TMEM132D: variants seen among roughly 807,000 people sequenced by gnomAD.
TMEM132D encodes the protein transmembrane protein 132D.
A neutral mutation model predicts 62.3 loss-of-function variants in TMEM132D; 21 were observed. That is an observed-to-expected ratio of 0.34 (90% CI 0.24 to 0.49). The LOEUF is 0.49. TMEM132D is among the 20% of genes least tolerant of loss of function. The pLI, the probability that TMEM132D is intolerant of heterozygous loss-of-function variation, is 0.99. For missense variants in TMEM132D, 1,346 were observed against 1,402.8 expected (o/e 0.96, Z 0.65); for synonymous variants, 621 against 575.6 (o/e 1.08, Z -1.13).
In TMEM132D at chr12:129,106,434, T is replaced by C. The variant is rs1232880067; in HGVS notation, c.1444-21732A>G. 2.0e-5 allele frequency among the ~76,000 whole-genome samples: 3 copies of C among 151,190 alleles called. No homozygotes were observed. The East Asian group carries it at 5.8e-4, about 29-fold the overall frequency. ...AGTATAATAATAATAAAATAAAAAA[T>C]AAAAATAAAAATAAATGCAATCCCT... On this transcript the variant is annotated intron_variant, in intron 5 of 8. Coordinates refer to ENST00000422113, the MANE Select transcript of TMEM132D (RefSeq NM_133448.3).
intron 3 of TMEM132D, among the ~76,000 whole-genome samples, chr12:129,526,531 C>T (rs1876045903): frequency 6.6e-6 from 1 of 152,204 alleles, no homozygotes; most frequent in South Asian, 2.1e-4. Flanking sequence ...CATCCACCCA[C>T]CTCAGCCTCC....
intron 3 of TMEM132D, among the ~76,000 whole-genome samples, chr12:129,519,489 G>T (rs1159473860): frequency 6.6e-6 from 1 of 152,100 alleles, no homozygotes; most frequent in Non-Finnish European, 1.5e-5. Flanking sequence ...CAATATAGCT[G>T]CATTCCTCAG....
At chr12:129,747,395 C>T (rs1869831057) in intron 1 of TMEM132D, among the ~76,000 whole-genome samples, 1 of 151,958 alleles carries the variant, frequency 6.6e-6, no homozygotes. Context: ...GCTCCACACA[C>T]ACACTCAGAC....
chr12:129,234,920 A>G (rs865914393), intron 4 of TMEM132D, among the ~76,000 whole-genome samples: 4 of 152,206 alleles, frequency 2.6e-5, no homozygotes, highest in Non-Finnish European at 4.4e-5. Flanking sequence ...AACATGCTCA[A>G]TAATTAGTTG....
At chr12:129,366,866 G>A (rs944300710) in intron 3 of TMEM132D, among the ~76,000 whole-genome samples, 1 of 152,180 alleles carries the variant, frequency 6.6e-6, no homozygotes, top group African/African-American at 2.4e-5. Context: ...GTCAACAGAT[G>A]GGATGAATCT....
chr12:129,396,401 C>T (rs1254577996), intron 3 of TMEM132D, among the ~76,000 whole-genome samples: 1 of 152,162 alleles, frequency 6.6e-6, no homozygotes, highest in Non-Finnish European at 1.5e-5. Flanking sequence ...GGGGTGGACC[C>T]GTGACCAAGT....
At chr12:129,671,930 G>A (rs552304939) in intron 2 of TMEM132D, among the ~76,000 whole-genome samples, 1 of 152,296 alleles carries the variant, frequency 6.6e-6, no homozygotes, top group Non-Finnish European at 1.5e-5. Context: ...AGACCACCTA[G>A]GACTAAGGGT....
At chr12:129,113,146 C>G (rs113508490) in intron 5 of TMEM132D, 1 of 152,202 alleles carries the variant, frequency 6.6e-6, no homozygotes, top group Non-Finnish European at 1.5e-5. Context: ...ATCTGGACAT[C>G]GAGAAAACAG....
chr12:129,228,265 G>T (rs868258157), intron 4 of TMEM132D, among the ~76,000 whole-genome samples: 96 of 152,264 alleles, frequency 6.3e-4, no homozygotes, highest in African/African-American at 2.2e-3. Flanking sequence ...TTGTGGGCTG[G>T]TTTTGCGTGC....
rs904326825 is a variant in TMEM132D, at chr12:129,371,032, T to C, written c.1116-33215A>G. Among the ~76,000 whole-genome samples the C allele has an allele frequency of 2.0e-5, 3 of 152,136 alleles. No individual in the cohort carries two copies. The highest frequency in any genetic ancestry group is 2.9e-5 in the Non-Finnish European group (2 of 68,030). ...CAAAAAAATAGCCATAGGAGAAGAA[T>C]TGTAACATTCTCAACACAAAAAACA... On this transcript the variant is annotated intron_variant, in intron 3 of 8. Transcript: ENST00000422113. This position sits in a 1 kb window ranked among gnomAD's most constrained non-coding sequence, Gnocchi z 4.3.
At chr12:129,198,354 G>A (rs1273632459) in intron 5 of TMEM132D, among the ~76,000 whole-genome samples, 1 of 152,080 alleles carries the variant, frequency 6.6e-6, no homozygotes, top group Non-Finnish European at 1.5e-5. Flanking sequence ...TGAAAGAGAT[G>A]TCTCACTTCT....
At chr12:129,184,376 G>T (rs2135552693) in intron 5 of TMEM132D, among the ~76,000 whole-genome samples, 1 of 152,334 alleles carries the variant, frequency 6.6e-6, no homozygotes, top group East Asian at 1.9e-4. Context: ...TCGCAGAGCT[G>T]TTCTCATCCA....
intron 2 of TMEM132D, among the ~76,000 whole-genome samples, chr12:129,694,980 C>T (rs865894208): frequency 2.0e-5 from 3 of 152,188 alleles, no homozygotes; most frequent in Middle Eastern, 3.4e-3. Flanking sequence ...TGCACTCCAC[C>T]CTGGGTGACA....
intron 1 of TMEM132D, among the ~76,000 whole-genome samples, chr12:129,749,173 T>C (rs1160112540): frequency 6.6e-6 from 1 of 152,244 alleles, no homozygotes; most frequent in Non-Finnish European, 1.5e-5. Context: ...TCGATGCTAA[T>C]TGACTCTGCA....
chr12:129,227,560 A>G (rs368866247), intron 4 of TMEM132D, among the ~76,000 whole-genome samples: 1 of 149,190 alleles, frequency 6.7e-6, no homozygotes, highest in Admixed American at 6.7e-5. Flanking sequence ...AGGAAACCAC[A>G]ATATTTACCT....
At chr12:129,577,399 C>T (rs1259364430) in intron 2 of TMEM132D, among the ~76,000 whole-genome samples, 1 of 148,006 alleles carries the variant, frequency 6.8e-6, no homozygotes, top group African/African-American at 2.5e-5. Context: ...GAAATACATA[C>T]AATTATATAT....
chr12:129,840,629 C>G (rs1237192747), intron 1 of TMEM132D: 3 of 152,196 alleles, frequency 2.0e-5, no homozygotes, highest in South Asian at 2.1e-4. Context: ...GCGGGGGCTG[C>G]GCAGCCTGCC....
chr12:129,254,830 T>C (rs1237231125), intron 4 of TMEM132D, among the ~76,000 whole-genome samples: 1 of 152,236 alleles, frequency 6.6e-6, no homozygotes, highest in African/African-American at 2.4e-5. Flanking sequence ...CCAGTCTTCC[T>C]GGCCTTGAAT....
chr12:129,602,662 T>G (rs1325779797), intron 2 of TMEM132D, among the ~76,000 whole-genome samples: 2 of 152,222 alleles, frequency 1.3e-5, no homozygotes, highest in East Asian at 3.9e-4. Flanking sequence ...ACAGCAAAAT[T>G]GAGAGGCAGG....
Sources: allele counts gnomAD v4.1 joint callset (sites outside exome capture counted in the v4.1 genomes callset), GRCh38; gene constraint gnomAD v4.1.1; non-coding constraint Gnocchi (gnomAD v3.1); transcripts MANE v1.5; gene names NCBI Gene and HGNC (gene_info 2026-07-23, HGNC 2026-07-21).